Variants in MSN observed in about 807,000 individuals in gnomAD.
MSN encodes epididymis luminal protein 70.
A neutral mutation model predicts 48.0 loss-of-function variants in MSN; 2 were observed. The observed-to-expected ratio is 0.04, with a 90% CI of 0.02 to 0.13. The LOEUF (loss-of-function observed/expected upper bound fraction) is 0.13. MSN is among the 10% of genes least tolerant of loss of function. The pLI, the probability that MSN is intolerant of heterozygous loss-of-function variation, is 1.00. For synonymous variants in MSN, 146 were observed against 166.9 expected (o/e 0.87, Z 0.97); for missense variants, 267 against 470.1 (o/e 0.57, Z 3.99).
chrX:65,617,512 C>T (rs1440020230), intron 1 of MSN, among the ~76,000 whole-genome samples: 1 of 106,803 alleles, frequency 9.4e-6, no homozygotes, highest in Admixed American at 9.7e-5. Flanking sequence ...TTGTAGTATT[C>T]CCTGATGGTA....
chrX:65,673,146 C>A (rs1175834545), intron 1 of MSN, among the ~76,000 whole-genome samples: 3 of 111,239 alleles, frequency 2.7e-5, no homozygotes, highest in African/African-American at 9.8e-5. Context: ...AGAAATAAAC[C>A]AAGTGAGAGT....
At chrX:65,679,460 G>A (rs761473178) in intron 1 of MSN, among the ~76,000 whole-genome samples, 34 of 111,646 alleles carry the variant, frequency 3.0e-4, no homozygotes, top group Admixed American at 3.8e-4. Flanking sequence ...CTTGGGTGGA[G>A]CAAAAGGGAG....
At chrX:65,611,786 T>A (rs1440428999) in intron 1 of MSN, among the ~76,000 whole-genome samples, 3 of 111,013 alleles carry the variant, frequency 2.7e-5, no homozygotes, top group Admixed American at 1.9e-4. Context: ...TGAGGTATTG[T>A]CATACTGTTT....
At chrX:65,590,439 C>G (rs939681317) in intron 1 of MSN, among the ~76,000 whole-genome samples, 4 of 111,176 alleles carry the variant, frequency 3.6e-5, no homozygotes, top group Admixed American at 9.6e-5. Flanking sequence ...CAACCTCAGT[C>G]TTCCTTAGGG....
intron 1 of MSN, among the ~76,000 whole-genome samples, chrX:65,684,772 T>A (rs1247665856): frequency 8.9e-6 from 1 of 112,049 alleles, no homozygotes. Flanking sequence ...AGCGTCTCAC[T>A]CTGTTACCCA....
At chrX:65,645,505 G>A (rs899733768) in intron 1 of MSN, among the ~76,000 whole-genome samples, 9 of 109,159 alleles carry the variant, frequency 8.2e-5, no homozygotes, top group Admixed American at 6.0e-4. Context: ...CGGGGCGGGG[G>A]TGGTGGTGAG....
intron 1 of MSN, among the ~76,000 whole-genome samples, chrX:65,709,603 G>T (rs754999288): frequency 8.0e-5 from 9 of 112,156 alleles, no homozygotes; most frequent in African/African-American, 2.9e-4. Context: ...CTCAGGATGG[G>T]CCCTTCTTTA....
rs769274856 is a variant in MSN, at chrX:65,739,776, T to C, written c.1617T>C (p.Thr539=). The C allele has an allele frequency of 9.1e-6, 11 of 1,209,199 alleles. No homozygotes were observed. The Admixed American group carries it at 1.7e-4, about 19-fold the overall frequency. The change falls in exon 13 of 13, where the codon ACT becomes ACC. Residue 539 remains threonine (T), a synonymous_variant. Coordinates refer to ENST00000360270, the MANE Select transcript of MSN (RefSeq NM_002444.3). Reference sequence around the variant, plus strand: ...ATGCCAGAGATGAGTCCAAGAAGACTGCCAATGACATGATCCATGCTGAGA... The same window carrying C: ...ATGCCAGAGATGAGTCCAAGAAGACCGCCAATGACATGATCCATGCTGAGA... ...LANARDESKK[T]ANDMIHAENM... is the part of the protein sequence containing the mutation.
chrX:65,663,984 C>A (rs771424055), upstream of MSN, among the ~76,000 whole-genome samples: 5 of 105,580 alleles, frequency 4.7e-5, no homozygotes, highest in Non-Finnish European at 1.9e-5. Context: ...GGCATGAACC[C>A]GGGAGGCGGA....
At chrX:65,622,104 T>C (rs2070452747) in intron 1 of MSN, among the ~76,000 whole-genome samples, 2 of 106,477 alleles carry the variant, frequency 1.9e-5, no homozygotes, top group Non-Finnish European at 3.9e-5. Context: ...TTCTTTTTTT[T>C]TTTTTTTTGA....
chrX:65,645,926 T>A (rs1053670663), intron 1 of MSN, among the ~76,000 whole-genome samples: 1 of 112,142 alleles, frequency 8.9e-6, no homozygotes, highest in Non-Finnish European at 1.9e-5. Context: ...CTAATATAGG[T>A]CTAGTATCCC....
chrX:65,703,762 A>G lies in MSN; in HGVS notation c.13-13056A>G, dbSNP rs988603812. 1.6e-4 allele frequency among the ~76,000 whole-genome samples: 18 copies of G among 111,451 alleles called. No individual in the cohort carries two copies. In the Admixed American group the frequency reaches 1.7e-3, roughly 11 times the overall value. ...GCTAATTTTTGTACTTTTTGTAGAG[A>G]CAGAATTTCGCCATTTTGCCCAGGC... On this transcript the variant is annotated intron_variant, in intron 1 of 12. Transcript: ENST00000360270.
chrX:65,608,240 A>C (rs1176706826), intron 1 of MSN, among the ~76,000 whole-genome samples: 2 of 111,602 alleles, frequency 1.8e-5, no homozygotes, highest in Non-Finnish European at 3.8e-5. Context: ...ACAGTTTTGC[A>C]TGGAGACAGG....
intron 1 of MSN, among the ~76,000 whole-genome samples, chrX:65,679,244 G>A (rs2071031408): frequency 8.9e-6 from 1 of 111,943 alleles, no homozygotes; most frequent in Non-Finnish European, 1.9e-5. Context: ...TGTTCCATCA[G>A]GGAAAGGGAA....
At chrX:65,683,942 C>CTTT (rs370356986) in intron 1 of MSN, among the ~76,000 whole-genome samples, 5 of 80,490 alleles carry the variant, frequency 6.2e-5, no homozygotes, top group East Asian at 6.4e-4. Context: ...CTTTCTTTTT[C>CTTT]TTTTTTTTTT....
At chrX:65,700,801 G>A (rs757176487) in intron 1 of MSN, among the ~76,000 whole-genome samples, 1 of 111,534 alleles carries the variant, frequency 9.0e-6, no homozygotes, top group African/African-American at 3.3e-5. Flanking sequence ...TCAACTCTTC[G>A]GCAAATCCAT....
chrX:65,699,325 T>C (rs951910677), intron 1 of MSN, among the ~76,000 whole-genome samples: 3 of 111,786 alleles, frequency 2.7e-5, no homozygotes, highest in Non-Finnish European at 5.6e-5. Flanking sequence ...GAGCTAAAGA[T>C]GTGGCTCCTT....
At chrX:65,629,961 T>A (rs994472340) in intron 1 of MSN, among the ~76,000 whole-genome samples, 1 of 111,341 alleles carries the variant, frequency 9.0e-6, no homozygotes, top group South Asian at 3.7e-4. Context: ...GGCCGATGAC[T>A]TGAGGTCAGG....
intron 1 of MSN, among the ~76,000 whole-genome samples, chrX:65,596,889 T>C (rs2070191355): frequency 9.0e-6 from 1 of 111,313 alleles, no homozygotes; most frequent in African/African-American, 3.3e-5. Flanking sequence ...GGCCAGATAC[T>C]GTACTGGGCT....
Sources: allele counts gnomAD v4.1 joint callset (sites outside exome capture counted in the v4.1 genomes callset), GRCh38; gene constraint gnomAD v4.1.1; transcripts MANE v1.5; gene names NCBI Gene and HGNC (gene_info 2026-07-23, HGNC 2026-07-21).